Variants in ZNF516 observed in about 807,000 individuals in gnomAD.
ZNF516 encodes the protein zinc finger protein 516.
Under a neutral mutation model 79.7 loss-of-function variants are expected in ZNF516, and 19 were observed. The observed-to-expected ratio is 0.24, with a 90% confidence interval of 0.17 to 0.35. The LOEUF (loss-of-function observed/expected upper bound fraction) is 0.35. Ranked by LOEUF, ZNF516 falls within the 10% of genes least tolerant of loss-of-function variation. The pLI, the probability that ZNF516 is intolerant of heterozygous loss-of-function variation, is 1.00. For synonymous variants in ZNF516, 877 were observed against 739.5 expected, an observed-to-expected ratio of 1.19 and a Z score of -3.02; for missense variants, 1,678 against 1,679.5, an observed-to-expected ratio of 1.00 and a Z score of 0.02.
At chr18:76,423,565 AG>A (rs1470402103) in intron 3 of ZNF516, among the ~76,000 whole-genome samples, 1 of 145,720 alleles carries the variant, frequency 6.9e-6, no homozygotes, top group Non-Finnish European at 1.5e-5. Context: ...GCAGGTGAAA[AG>A]GCTCCCCCGA....
rs57277814 is a variant in ZNF516, at chr18:76,467,166, T to C, written c.-271-4025A>G. ...ACCTGCAGCTCACAGCCCTTCTGGG[T>C]TGGCAGGAAGTCCTGCGTGTCTCTC... On this transcript the variant is annotated intron_variant, in intron 1 of 6. Transcript: ENST00000443185. This position sits in a 1 kb window ranked among gnomAD's most constrained non-coding sequence, Gnocchi z 4.2. Among the ~76,000 whole-genome samples, 145 of 103,348 alleles carry C rather than the reference T, an allele frequency of 1.4e-3. 4 individuals are homozygous for C. The highest frequency in any genetic ancestry group is 4.5e-3 in the African/African-American group (102 of 22,786). 67.8% of individuals were successfully genotyped at this position (103,348 alleles called of 152,430 possible).
In ZNF516 at chr18:76,379,363, C is replaced by T. The variant is rs1344085653; in HGVS notation, c.2751G>A (p.Val917=). ...KPRQEASSKP[V]PAPGGGGFSR... ...TGAAGCCCCCGCCACCCGGGGCAGG[C>T]ACCGGTTTGGAGCTAGCCTCCTGCC... The change falls in exon 4 of 7, where the codon GTG becomes GTA. Residue 917 remains valine, a synonymous_variant. Coordinates refer to ENST00000443185, the MANE Select transcript of ZNF516 (RefSeq NM_014643.4). 1 of 1,594,752 alleles carries T rather than the reference C, an allele frequency of 6.3e-7. No homozygotes were observed. Among genetic ancestry groups the T allele is most frequent in the Admixed American group, 1.7e-5 (1 of 58,006 alleles).
chr18:76,445,877 A>G (rs1336720703), intron 2 of ZNF516, among the ~76,000 whole-genome samples: 1 of 152,166 alleles, frequency 6.6e-6, no homozygotes, highest in African/African-American at 2.4e-5. Context: ...AATCACCAAA[A>G]CCCTGTGCTC....
In ZNF516 at chr18:76,369,210, T is replaced by C. The variant is rs116786371; in HGVS notation, c.3432+1318A>G. ...TGCTTCCTAACTGCAGTGGAGGTCA[T>C]ACACTTGGAAATCTTTTCATTCCAT... On this transcript the variant is annotated intron_variant, in intron 6 of 6. Transcript: ENST00000443185. Among the ~76,000 whole-genome samples, 1,376 of 152,368 alleles carry C rather than the reference T, an allele frequency of 9.0e-3. 15 individuals carry two copies. Among genetic ancestry groups the C allele is most frequent in the African/African-American group, 0.03 (1,246 of 41,578 alleles).
chr18:76,427,370 T>A (rs964273160), intron 3 of ZNF516, among the ~76,000 whole-genome samples: 1 of 152,210 alleles, frequency 6.6e-6, no homozygotes, highest in African/African-American at 2.4e-5. Flanking sequence ...ACAAAGTTAC[T>A]ACTTCAAATC....
At chr18:76,391,255 A>G (rs758140189) in intron 3 of ZNF516, among the ~76,000 whole-genome samples, 2 of 152,168 alleles carry the variant, frequency 1.3e-5, no homozygotes, top group Non-Finnish European at 2.9e-5. Context: ...TACCATAAGC[A>G]CAAGCCAAAC....
In ZNF516 at chr18:76,459,074, G is replaced by T. The variant is rs931598293; in HGVS notation, c.-158+3954C>A. Reference sequence around the variant, plus strand: ...AAGCACTCATTCAAATACCCTACCTGGAGGCAAACACGCATGTCCACTTCC... The same window carrying T: ...AAGCACTCATTCAAATACCCTACCTTGAGGCAAACACGCATGTCCACTTCC... On this transcript the variant is annotated intron_variant, in intron 2 of 6. Coordinates refer to ENST00000443185, the MANE Select transcript of ZNF516 (RefSeq NM_014643.4). This position sits in a 1 kb window ranked among gnomAD's most constrained non-coding sequence, Gnocchi z 5.0. Among the ~76,000 whole-genome samples, 3 of 152,214 alleles carry T rather than the reference G, an allele frequency of 2.0e-5. No homozygotes were observed. The highest frequency in any genetic ancestry group is 7.2e-5 in the African/African-American group (3 of 41,454).
chr18:76,419,375 C>T (rs917860516), intron 3 of ZNF516, among the ~76,000 whole-genome samples: 1 of 151,596 alleles, frequency 6.6e-6, no homozygotes, highest in Non-Finnish European at 1.5e-5. Flanking sequence ...TGCAGCCAGA[C>T]CAAAATATCG....
rs1403973834 is a variant in ZNF516, at chr18:76,441,605, G to A, written c.1450C>T (p.Pro484Ser). 3.4e-6 allele frequency: 5 copies of A among 1,477,666 alleles called. No homozygotes were observed. The highest frequency in any genetic ancestry group is 2.9e-5 in the African/African-American group (2 of 68,448). 91.5% of individuals were successfully genotyped at this position (1,477,666 alleles called of 1,614,324 possible). A position where few individuals can be genotyped will look rare whatever the true frequency, so the allele number is the denominator to read the frequency against. The change falls in exon 3 of 7, where the codon CCT (proline) becomes TCT (serine). Residue 484 changes from proline to serine, a missense_variant. Physicochemically the swap from Pro to Ser is moderately conservative, Grantham distance 74. Coordinates refer to ENST00000443185, the MANE Select transcript of ZNF516 (RefSeq NM_014643.4). ...TGGCCGGCGGGCGCGGGGTCCCCAG[G>A]CCCGCTCGCGCGCTTCCGCGGGGGC... Reference protein sequence around the residue: ...QGPPRKRASGPGDPAPAGHLD... With the variant: ...QGPPRKRASGSGDPAPAGHLD...
intron 1 of ZNF516, among the ~76,000 whole-genome samples, chr18:76,481,657 G>A (rs1359859238): frequency 6.6e-6 from 1 of 152,182 alleles, no homozygotes; most frequent in African/African-American, 2.4e-5. Context: ...TAAGACCTGT[G>A]CATATTAAAT....
intron 1 of ZNF516, among the ~76,000 whole-genome samples, chr18:76,468,171 T>C (rs1178423614): frequency 6.6e-6 from 1 of 152,154 alleles, no homozygotes; most frequent in Non-Finnish European, 1.5e-5. Context: ...TATACAGAAA[T>C]GTGTTTTTTA....
At chr18:76,443,277 A>C in intron 2 of ZNF516, 66 bp from the exon 3 acceptor site, 1 of 621,038 alleles carries the variant, frequency 1.6e-6, no homozygotes. Context: ...TGGCTGCGGG[A>C]ACCCCCACAT....
chr18:76,436,479 C>T (rs1455815156), intron 3 of ZNF516, among the ~76,000 whole-genome samples: 2 of 152,200 alleles, frequency 1.3e-5, no homozygotes, highest in Non-Finnish European at 2.9e-5. Context: ...CTCCTCCCAA[C>T]CCATGACTTG....
At chr18:76,494,888 C>T (rs1439269540) in intron 1 of ZNF516, among the ~76,000 whole-genome samples, 4 of 140,736 alleles carry the variant, frequency 2.8e-5, no homozygotes, top group African/African-American at 1.0e-4. Flanking sequence ...ACCTCCCGGG[C>T]GCTCGCCCCG....
At chr18:76,454,969 CG>C (rs1912630053) in intron 2 of ZNF516, among the ~76,000 whole-genome samples, 2 of 152,314 alleles carry the variant, frequency 1.3e-5, no homozygotes, top group South Asian at 4.1e-4. Context: ...AAATTTAAAA[CG>C]TAACAAGGCA....
At chr18:76,445,065 C>T (rs1911959969) in intron 2 of ZNF516, among the ~76,000 whole-genome samples, 1 of 152,146 alleles carries the variant, frequency 6.6e-6, no homozygotes, top group Non-Finnish European at 1.5e-5. Context: ...GAGATGCCCA[C>T]CCAGAGGAGC....
At chr18:76,377,369 T>C (rs897050119) in intron 4 of ZNF516, among the ~76,000 whole-genome samples, 8 of 152,258 alleles carry the variant, frequency 5.3e-5, no homozygotes, top group African/African-American at 1.2e-4. Flanking sequence ...TGTAACAAGG[T>C]TGGCTGGAGT....
chr18:76,492,121 G>C (rs944508069), intron 1 of ZNF516: 189 of 979,042 alleles, frequency 1.9e-4, no homozygotes, highest in Non-Finnish European at 4.4e-5. Flanking sequence ...GGGAGGTAGT[G>C]GGCACGTGGG....
At chr18:76,396,786 C>T (rs973721172) in intron 3 of ZNF516, among the ~76,000 whole-genome samples, 1 of 152,160 alleles carries the variant, frequency 6.6e-6, no homozygotes, top group African/African-American at 2.4e-5. Context: ...AGAAGAGAGG[C>T]CATTCCACTG....
Sources: gnomAD v4.1 joint callset for allele counts (sites outside exome capture counted in the v4.1 genomes callset) on GRCh38, gnomAD v4.1.1 for gene constraint, Gnocchi (gnomAD v3.1) non-coding constraint, MANE v1.5 for transcripts, NCBI Gene and HGNC (gene_info 2026-07-23, HGNC 2026-07-21) for gene names.